RBPMS2: variants seen among roughly 807,000 people sequenced by gnomAD.
The protein encoded by RBPMS2 is RNA-binding protein with multiple splicing 2.
RBPMS2 carries 14 observed loss-of-function variants against 25.7 expected under a neutral mutation model. The ratio of observed to expected loss-of-function variants is 0.55; its 90% CI spans 0.36 to 0.85. The LOEUF is 0.85. Among genes scored for constraint, RBPMS2 ranks in the 40% least tolerant of loss-of-function variants. The pLI is 0.01. For synonymous variants in RBPMS2, 127 were observed against 115.6 expected (o/e 1.10, Z -0.63); for missense variants, 252 against 283.4 (o/e 0.89, Z 0.80).
intron 2 of RBPMS2, 33 bp downstream of exon 2, chr15:64,751,528 C>T: frequency 6.3e-7 from 1 of 1,594,982 alleles, no homozygotes; most frequent in Non-Finnish European, 8.6e-7. Context: ...GGGTCCCAGG[C>T]TCTACCCAGG....
chr15:64,749,164 GAAA>G lies in RBPMS2; in HGVS notation c.268-17_268-15del. On this transcript the variant is annotated splice_polypyrimidine_tract_variant and intron_variant, in intron 4 of 7. Coordinates refer to ENST00000300069, the MANE Select transcript of RBPMS2 (RefSeq NM_194272.3). ...AAAGCGAATACCCTACATGGGTAGA[GAAA>G]AGAAGAGAAAGGCTTACTCCGGGGG... 6.2e-7 allele frequency: 1 copy of G among 1,613,660 alleles called. No homozygotes were observed. Among genetic ancestry groups the G allele is most frequent in the Non-Finnish European group, 8.5e-7 (1 of 1,179,582 alleles).
Position 64,775,296 on chromosome 15 carries a change from G to C in RBPMS2, c.24C>G (p.Gly8=). The change falls in exon 1 of 8, where the codon GGC becomes GGG. Residue 8 remains glycine (G), a synonymous_variant. Coordinates refer to ENST00000300069, the MANE Select transcript of RBPMS2 (RefSeq NM_194272.3). ...CGGTGCCGGTGCTGCCGCCGTGCTCGCCGTCCGGCTTCAGGTTGCTCATGG... is the reference window on the plus strand; with the variant it reads ...CGGTGCCGGTGCTGCCGCCGTGCTCCCCGTCCGGCTTCAGGTTGCTCATGG... MSNLKPD[G]EHGGSTGTGS... The C allele has an allele frequency of 1.5e-6, 2 of 1,351,770 alleles. No homozygotes were observed. The highest frequency in any genetic ancestry group is 1.9e-6 in the Non-Finnish European group (2 of 1,045,318). 83.7% of individuals were successfully genotyped at this position (1,351,770 alleles called of 1,614,324 possible). A position where few individuals can be genotyped will look rare whatever the true frequency, so the allele number is the denominator to read the frequency against.
chr15:64,742,635 C>T (rs1218697937), intron 6 of RBPMS2, among the ~76,000 whole-genome samples: 1 of 152,064 alleles, frequency 6.6e-6, no homozygotes, highest in Non-Finnish European at 1.5e-5. Context: ...AGGGGTGTGG[C>T]GGGGGGAGCG....
chr15:64,741,931 C>G (rs1287960862), intron 6 of RBPMS2, among the ~76,000 whole-genome samples: 1 of 152,118 alleles, frequency 6.6e-6, no homozygotes, highest in Non-Finnish European at 1.5e-5. Context: ...TTTCGGAGGC[C>G]GAGGTGGGCG....
intron 1 of RBPMS2, among the ~76,000 whole-genome samples, chr15:64,759,310 T>C (rs1011730634): frequency 1.3e-5 from 2 of 152,154 alleles, no homozygotes; most frequent in African/African-American, 4.8e-5. Context: ...TTTTGGACCA[T>C]GCTGTCTAAT....
intron 1 of RBPMS2, among the ~76,000 whole-genome samples, chr15:64,773,389 G>T (rs1293438232): frequency 6.6e-6 from 1 of 152,172 alleles, no homozygotes; most frequent in Non-Finnish European, 1.5e-5. Context: ...AGAACCCTTT[G>T]TTCTGGACCT....
At chr15:64,756,662 T>A (rs1281186799) in intron 1 of RBPMS2, among the ~76,000 whole-genome samples, 13 of 150,860 alleles carry the variant, frequency 8.6e-5, no homozygotes, top group Admixed American at 5.3e-4. Flanking sequence ...TTTTTTTTTT[T>A]ATGGAGTCTC....
intron 1 of RBPMS2, among the ~76,000 whole-genome samples, chr15:64,772,458 C>A (rs72744751): frequency 6.6e-6 from 1 of 151,838 alleles, no homozygotes; most frequent in East Asian, 1.9e-4. Flanking sequence ...ATCAAAGCTT[C>A]GAACACATCT....
chr15:64,768,631 C>A (rs1424588156), intron 1 of RBPMS2, among the ~76,000 whole-genome samples: 1 of 149,798 alleles, frequency 6.7e-6, no homozygotes, highest in African/African-American at 2.5e-5. Flanking sequence ...AAGCAAGACT[C>A]TGTCTCGAGG....
At chr15:64,746,389 C>A (rs2083618144) in intron 6 of RBPMS2, among the ~76,000 whole-genome samples, 1 of 152,364 alleles carries the variant, frequency 6.6e-6, no homozygotes, top group South Asian at 2.1e-4. Flanking sequence ...AACATCACAA[C>A]CATCTGCACT....
At position 64,756,516 on chromosome 15, in the gene RBPMS2, C is replaced by CA. The variant is rs771497391; in HGVS notation, c.88-4879dup. On this transcript the variant is annotated intron_variant, in intron 1 of 7. Transcript: ENST00000300069. ...TGGGCAGGAGAGCAAGACCCTGTCTCAAAAAAAAAAAAAAGGCAAAGAGAA... is the reference window on the plus strand; with the variant it reads ...TGGGCAGGAGAGCAAGACCCTGTCTCAAAAAAAAAAAAAAAGGCAAAGAGAA... Among the ~76,000 whole-genome samples the CA allele has an allele frequency of 6.5e-3, 787 of 121,990 alleles. 5 individuals are homozygous for CA. Among genetic ancestry groups the CA allele is most frequent in the Middle Eastern group, 0.034 (8 of 232 alleles). 80.0% of individuals were successfully genotyped at this position (121,990 alleles called of 152,430 possible). A position where few individuals can be genotyped will look rare whatever the true frequency, so the allele number is the denominator to read the frequency against.
intron 1 of RBPMS2, among the ~76,000 whole-genome samples, chr15:64,772,141 G>C (rs116697237): frequency 1.3e-5 from 2 of 152,184 alleles, no homozygotes; most frequent in African/African-American, 4.8e-5. Context: ...CATAGAAATG[G>C]AAGGCCAACA....
At position 64,772,675 on chromosome 15, in the gene RBPMS2, C is replaced by A. The variant is rs543204678; in HGVS notation, c.87+2558G>T. ...CCTCTTGGAATGCCTTTTCCACCCC[C>A]ACAGGTCTAACCTTGCTCCTCCTAC... On this transcript the variant is annotated intron_variant, in intron 1 of 7. Transcript: ENST00000300069. Among the ~76,000 whole-genome samples the A allele has an allele frequency of 1.2e-3, 182 of 152,248 alleles. 3 individuals carry two copies. The highest frequency in any genetic ancestry group is 1.2e-3 in the Non-Finnish European group (81 of 68,018).
intron 6 of RBPMS2, among the ~76,000 whole-genome samples, chr15:64,744,803 T>TTTTTC (rs2083602164): frequency 1.5e-4 from 1 of 6,890 alleles, no homozygotes; most frequent in African/African-American, 2.3e-4. Context: ...GTTTTGTTTT[T>TTTTTC]TTTTTTTTTT....
At chr15:64,765,795 A>G (rs1047615098) in intron 1 of RBPMS2, among the ~76,000 whole-genome samples, 27 of 152,066 alleles carry the variant, frequency 1.8e-4, no homozygotes, top group African/African-American at 6.5e-4. Flanking sequence ...AATACAAAAA[A>G]TTAGCCAGAT....
chr15:64,766,209 G>A (rs1186939376), intron 1 of RBPMS2, among the ~76,000 whole-genome samples: 1 of 152,166 alleles, frequency 6.6e-6, no homozygotes, highest in Non-Finnish European at 1.5e-5. Context: ...AAGAGCCTCT[G>A]CTCAGTTGGC....
chr15:64,760,742 C>T (rs959354082), intron 1 of RBPMS2, among the ~76,000 whole-genome samples: 2 of 151,720 alleles, frequency 1.3e-5, no homozygotes, highest in East Asian at 3.9e-4. Flanking sequence ...ACAGAGGTTG[C>T]ACTGAGCCGA....
intron 4 of RBPMS2, 28 bp from the exon 5 acceptor site, chr15:64,749,178 G>A (rs943561446): frequency 1.2e-6 from 2 of 1,613,098 alleles, no homozygotes; most frequent in African/African-American, 2.7e-5. Context: ...AGAAGAGAAA[G>A]GCTTACTCCG....
chr15:64,750,229 G>A, intron 3 of RBPMS2, 114 bp downstream of exon 3: 1 of 914,800 alleles, frequency 1.1e-6, no homozygotes, highest in Non-Finnish European at 1.8e-6. Context: ...ACAACAGGGA[G>A]CGCAAGTCTG....
Sources: gnomAD v4.1 joint callset for allele counts (sites outside exome capture counted in the v4.1 genomes callset) on GRCh38, gnomAD v4.1.1 for gene constraint, MANE v1.5 for transcripts, NCBI Gene and HGNC (gene_info 2026-07-23, HGNC 2026-07-21) for gene names.